The following NFIX variants were observed in gnomAD, a reference collection of about 807,000 sequenced individuals.
NFIX encodes nuclear factor I X, also known as nuclear factor 1 X-type.
Under a neutral mutation model 53.3 loss-of-function variants are expected in NFIX, and 2 were observed. That is an observed-to-expected ratio of 0.04 (90% CI 0.02 to 0.12). NFIX has a LOEUF of 0.12. NFIX is among the 10% of genes least tolerant of loss of function. The probability of loss-of-function intolerance (pLI) is 1.00; values close to 1 mark genes in which losing one functional copy is unlikely to be tolerated. For missense variants in NFIX, 310 were observed against 674.5 expected (o/e 0.46, Z 5.99); for synonymous variants, 244 against 289.0 (o/e 0.84, Z 1.58).
intron 1 of NFIX, among the ~76,000 whole-genome samples, chr19:13,023,237 T>G (rs926147791): frequency 4.0e-5 from 6 of 148,554 alleles, no homozygotes; most frequent in African/African-American, 1.2e-4. Flanking sequence ...ACCCAACCAG[T>G]GCGCACACAC....
chr19:13,015,895 C>T (rs1468898534), intron 1 of NFIX, among the ~76,000 whole-genome samples: 2 of 152,180 alleles, frequency 1.3e-5, no homozygotes, highest in Non-Finnish European at 2.9e-5. Flanking sequence ...ATGAATAGCA[C>T]ACTCTGCTCT....
intron 7 of NFIX, among the ~76,000 whole-genome samples, chr19:13,080,726 C>G (rs1307208193): frequency 6.6e-6 from 1 of 151,982 alleles, no homozygotes; most frequent in African/African-American, 2.4e-5. Flanking sequence ...ACTGGCTGGG[C>G]GCGGTGTCTC....
rs1353486677 is a variant in NFIX, at chr19:13,022,402, C to T, written c.28-2619C>T. On this transcript the variant is annotated intron_variant, in intron 1 of 10. Coordinates refer to ENST00000592199, the MANE Select transcript of NFIX (RefSeq NM_001365902.3). The surrounding 1 kb of genome is among the most constrained non-coding windows in gnomAD (Gnocchi z 4.5). ...GGCCTCCCCCTTGTCTGAGAGTGCT[C>T]CTTCAGCAGCCAGACCTGGGGGCAT... Among the ~76,000 whole-genome samples, 1 of 152,032 alleles carries T rather than the reference C, an allele frequency of 6.6e-6. No individual in the cohort carries two copies. Among genetic ancestry groups the T allele is most frequent in the African/African-American group, 2.4e-5 (1 of 41,390 alleles).
chr19:13,085,876 T>A (rs1484558767), intron 8 of NFIX, among the ~76,000 whole-genome samples: 1 of 152,246 alleles, frequency 6.6e-6, no homozygotes, highest in African/African-American at 2.4e-5. Flanking sequence ...TCCCACGTGC[T>A]TAGTGGTACT....
chr19:13,024,113 C>CAAAAAAA, intron 1 of NFIX: 1 of 412,064 alleles, frequency 2.4e-6, no homozygotes, highest in Non-Finnish European at 4.1e-6. Context: ...AGCAAACAAC[C>CAAAAAAA]AAAAAAAAAA....
Position 12,996,610 on chromosome 19 carries a change from T to C in NFIX, c.27+746T>C, listed in dbSNP as rs1568247908. On this transcript the variant is annotated intron_variant, in intron 1 of 10. Coordinates refer to ENST00000592199, the MANE Select transcript of NFIX (RefSeq NM_001365902.3). This position sits in a 1 kb window ranked among gnomAD's most constrained non-coding sequence, Gnocchi z 5.2. Reference sequence around the variant, plus strand: ...AGCCTCTGCCCCCCCACCCCCAAACTTTCCTCGGCGCAAACTTTCTGGCCC... The same window carrying C: ...AGCCTCTGCCCCCCCACCCCCAAACCTTCCTCGGCGCAAACTTTCTGGCCC... Among the ~76,000 whole-genome samples the C allele has an allele frequency of 2.0e-5, 3 of 151,560 alleles. No homozygotes were observed. The highest frequency in any genetic ancestry group is 4.2e-4 in the South Asian group (2 of 4,790).
intron 8 of NFIX, among the ~76,000 whole-genome samples, chr19:13,083,103 C>G (rs2145481674): frequency 6.6e-6 from 1 of 152,312 alleles, no homozygotes; most frequent in South Asian, 2.1e-4. Flanking sequence ...TCTTGGCTGA[C>G]TCTGCAGCTC....
At position 13,060,762 on chromosome 19, in the gene NFIX, T is replaced by TGG. The variant is rs35712689; in HGVS notation, c.560-12279_560-12278dup. ...TCTGCACTGCCCAGGGTCAGGGGGA[T>TGG]GGGGGGGTCGGCCTCACCTCGGCTA... On this transcript the variant is annotated intron_variant, in intron 2 of 10. Coordinates refer to ENST00000592199, the MANE Select transcript of NFIX (RefSeq NM_001365902.3). This position sits in a 1 kb window ranked among gnomAD's most constrained non-coding sequence, Gnocchi z 4.3. Among the ~76,000 whole-genome samples, 4 of 150,884 alleles carry TGG rather than the reference T, an allele frequency of 2.7e-5. No homozygotes were observed. Among genetic ancestry groups the TGG allele is most frequent in the Admixed American group, 6.6e-5 (1 of 15,160 alleles).
In NFIX at chr19:13,078,658, C is replaced by A; in HGVS notation, c.1001C>A (p.Ala334Asp). 1.2e-6 allele frequency: 2 copies of A among 1,600,416 alleles called. No homozygotes were observed. Among genetic ancestry groups the A allele is most frequent in the Non-Finnish European group, 1.7e-6 (2 of 1,173,854 alleles). ...TCAGGAAAGCTGGACTTCTGCAGTG[C>A]CCTCTCCTCTCAGGGCAGCTCCCCG... ...KKSGKLDFCS[A>D]LSSQGSSPRM... is the part of the protein sequence containing the mutation. The change falls in exon 7 of 11, where the codon GCC becomes GAC. Residue 334 changes from alanine to aspartate, a missense_variant. Ala to Asp is a moderately radical substitution (Grantham distance 126). Transcript: ENST00000592199. The surrounding 1 kb of genome is among the most constrained non-coding windows in gnomAD (Gnocchi z 4.7).
rs890476631 is a variant in NFIX, at chr19:13,005,871, C to A, written c.27+10007C>A. Among the ~76,000 whole-genome samples, 1 of 152,214 alleles carries A rather than the reference C, an allele frequency of 6.6e-6. No individual in the cohort carries two copies. Among genetic ancestry groups the A allele is most frequent in the African/African-American group, 2.4e-5 (1 of 41,458 alleles). ...GGATGGTGGTCTCACCCCCTCTGCA[C>A]CCCTGCTGGCCAGGCTTGCCCTCAC... On this transcript the variant is annotated intron_variant, in intron 1 of 10. Transcript: ENST00000592199. The surrounding 1 kb of genome is among the most constrained non-coding windows in gnomAD (Gnocchi z 4.7).
At chr19:13,056,219 C>T (rs940581406) in intron 2 of NFIX, among the ~76,000 whole-genome samples, 1 of 152,188 alleles carries the variant, frequency 6.6e-6, no homozygotes, top group Non-Finnish European at 1.5e-5. Context: ...GCACATGACT[C>T]AGGCCCCCCC....
rs2018581071 is a variant in NFIX, at chr19:13,098,219, T to C, written c.*3570T>C. 1 of 138,150 alleles carries C rather than the reference T, an allele frequency of 7.2e-6. No homozygotes were observed. The highest frequency in any genetic ancestry group is 2.8e-5 in the African/African-American group (1 of 35,908). The allele number at this position is 138,150 out of a possible 1,614,324, so 8.6% of individuals were successfully genotyped here. On this transcript the variant is annotated 3_prime_UTR_variant, in exon 11 of 11. Transcript: ENST00000592199. ...AGCAATAAAGTCACGAGAACTTTCG[T>C]CCCCCAATCGAGAGCCCGAGGGGCA...
intron 1 of NFIX, among the ~76,000 whole-genome samples, chr19:13,010,108 T>TC (rs934842446): frequency 1.3e-5 from 2 of 152,068 alleles, no homozygotes; most frequent in African/African-American, 2.4e-5. Context: ...TCTTTGTTCC[T>TC]CCCCCGCCTG....
intron 1 of NFIX, among the ~76,000 whole-genome samples, chr19:13,019,896 T>C (rs184421800): frequency 6.6e-6 from 1 of 152,162 alleles, no homozygotes; most frequent in Middle Eastern, 3.4e-3. Flanking sequence ...GGGAAATACC[T>C]TTCCCCCACA....
chr19:13,033,831 C>CT (rs2145229804), intron 2 of NFIX, among the ~76,000 whole-genome samples: 1 of 152,336 alleles, frequency 6.6e-6, no homozygotes, highest in African/African-American at 2.4e-5. Context: ...ACCAGGGAGG[C>CT]TTCCTAGAAG....
At chr19:13,042,295 T>C (rs770875675) in intron 2 of NFIX, among the ~76,000 whole-genome samples, 10 of 151,956 alleles carry the variant, frequency 6.6e-5, no homozygotes, top group East Asian at 5.8e-4. Context: ...AAATGAGAAA[T>C]TACCTCTTAT....
At chr19:13,057,301 G>A (rs1568300381) in intron 2 of NFIX, among the ~76,000 whole-genome samples, 1 of 152,232 alleles carries the variant, frequency 6.6e-6, no homozygotes, top group Non-Finnish European at 1.5e-5. Flanking sequence ...GTGCTTGGAG[G>A]GAGGGAAGCA....
At position 13,064,083 on chromosome 19, in the gene NFIX, C is replaced by A. The variant is rs967943740; in HGVS notation, c.560-8964C>A. Among the ~76,000 whole-genome samples, 41 of 148,520 alleles carry A rather than the reference C, an allele frequency of 2.8e-4. 1 individual carries two copies. In the South Asian group the frequency reaches 6.5e-3, roughly 23 times the overall value. Reference sequence around the variant, plus strand: ...CCCTTGCTGGGATGGGACCCCCCCCCTCCCCAGGGCCCCTCTCTTTTCTTG... The same window carrying A: ...CCCTTGCTGGGATGGGACCCCCCCCATCCCCAGGGCCCCTCTCTTTTCTTG... On this transcript the variant is annotated intron_variant, in intron 2 of 10. Transcript: ENST00000592199.
chr19:13,002,684 C>T lies in NFIX; in HGVS notation c.27+6820C>T, dbSNP rs911527303. ...TCCAAGTTGCGTTTGCCACCACTAC[C>T]GATGTGGCTGCGCCAGCCAGGGAGG... On this transcript the variant is annotated intron_variant, in intron 1 of 10. Transcript: ENST00000592199. This position sits in a 1 kb window ranked among gnomAD's most constrained non-coding sequence, Gnocchi z 6.1. Among the ~76,000 whole-genome samples, 9 of 152,320 alleles carry T rather than the reference C, an allele frequency of 5.9e-5. No individual in the cohort carries two copies. Among genetic ancestry groups the T allele is most frequent in the Middle Eastern group, 3.4e-3 (1 of 294 alleles).
Sources: gnomAD v4.1 joint callset for allele counts (sites outside exome capture counted in the v4.1 genomes callset) on GRCh38, gnomAD v4.1.1 for gene constraint, Gnocchi (gnomAD v3.1) non-coding constraint, MANE v1.5 for transcripts, NCBI Gene and HGNC (gene_info 2026-07-23, HGNC 2026-07-21) for gene names.